CDC73: variants seen among roughly 807,000 people sequenced by gnomAD.
The protein encoded by CDC73 is parafibromin.
CDC73 carries 21 observed loss-of-function variants against 83.7 expected under a neutral mutation model. The observed-to-expected ratio is 0.25, with a 90% confidence interval of 0.18 to 0.36. The LOEUF (loss-of-function observed/expected upper bound fraction) is 0.36, where lower values mean the gene tolerates loss of function less well. Ranked by LOEUF, CDC73 falls within the 10% of genes least tolerant of loss-of-function variation. CDC73 has a pLI of 1.00. For missense variants in CDC73, 342 were observed against 653.3 expected, an observed-to-expected ratio of 0.52 and a Z score of 5.19; for synonymous variants, 224 against 212.9, an observed-to-expected ratio of 1.05 and a Z score of -0.45.
intron 10 of CDC73, among the ~76,000 whole-genome samples, chr1:193,155,652 A>G: frequency 6.6e-6 from 1 of 152,160 alleles, no homozygotes. Flanking sequence ...TGACGTGTGC[A>G]TGTAATCCCA....
chr1:193,211,382 A>T (rs1329668347), intron 11 of CDC73, among the ~76,000 whole-genome samples: 1 of 152,176 alleles, frequency 6.6e-6, no homozygotes, highest in Non-Finnish European at 1.5e-5. Context: ...CAGTATTTTT[A>T]TCGTAGATGT....
At position 193,252,750 on chromosome 1, in the gene CDC73, TAAA is replaced by T; in HGVS notation, c.*2042_*2044del. On this transcript the variant is annotated 3_prime_UTR_variant, in exon 17 of 17. Coordinates refer to ENST00000367435, the MANE Select transcript of CDC73 (RefSeq NM_024529.5). ...TCCATTATTTTTTAGCTGTTTATTC[TAAA>T]AAACAAAAATTTTCAGCCACTCCCA... The T allele has an allele frequency of 4.3e-6, 1 of 231,788 alleles. No homozygotes were observed. Among genetic ancestry groups the T allele is most frequent in the African/African-American group, 2.2e-5 (1 of 45,398 alleles). 14.4% of individuals were successfully genotyped at this position (231,788 alleles called of 1,614,324 possible).
rs149978734 is a variant in CDC73, at chr1:193,177,299, G to A, written c.972+24855G>A. The stretch of plus-strand genomic sequence containing the variant: ...AGCACTTTGGGAGGCCGAATCACGA[G>A]GTCAGGAGATCGAGACCGTCCTGGC... On this transcript the variant is annotated intron_variant, in intron 10 of 16. Coordinates refer to ENST00000367435, the MANE Select transcript of CDC73 (RefSeq NM_024529.5). Among the ~76,000 whole-genome samples, 62 of 145,046 alleles carry A rather than the reference G, an allele frequency of 4.3e-4. No homozygotes were observed. The East Asian group carries it at 0.012, about 29-fold the overall frequency.
chr1:193,168,553 T>C (rs1316847807), intron 10 of CDC73, among the ~76,000 whole-genome samples: 2 of 149,238 alleles, frequency 1.3e-5, no homozygotes, highest in Non-Finnish European at 3.0e-5. Flanking sequence ...TGAGACAGAG[T>C]CTCTCTCTGT....
rs753349105 is a variant in CDC73, at chr1:193,130,185, T to C, written c.249T>C (p.Ile83=). The change falls in exon 3 of 17, where the codon ATT becomes ATC. Residue 83 remains isoleucine (I), a synonymous_variant. Transcript: ENST00000367435. The part of the protein sequence containing the change: ...VYVRRAATEN[I]PVVRRPDRKD... ...AATTTTGGTTTTAGACTGAAAATAT[T>C]CCTGTGGTTAGAAGACCTGATCGAA... The C allele has an allele frequency of 1.9e-6, 3 of 1,587,674 alleles. No homozygotes were observed. Among genetic ancestry groups the C allele is most frequent in the South Asian group, 2.2e-5 (2 of 90,528 alleles).
At chr1:193,246,260 T>C (rs1208398424) in intron 15 of CDC73, among the ~76,000 whole-genome samples, 3 of 152,084 alleles carry the variant, frequency 2.0e-5, no homozygotes, top group South Asian at 2.1e-4. Flanking sequence ...TGGGGTCTTA[T>C]ATTTAGGTCT....
chr1:193,217,011 C>T (rs542079820), intron 13 of CDC73, among the ~76,000 whole-genome samples: 1 of 151,390 alleles, frequency 6.6e-6, no homozygotes, highest in Admixed American at 6.6e-5. Flanking sequence ...TGGAAGCATT[C>T]CCCCTGAGAA....
At chr1:193,244,101 A>G (rs919227713) in intron 15 of CDC73, among the ~76,000 whole-genome samples, 1 of 152,250 alleles carries the variant, frequency 6.6e-6, no homozygotes, top group Non-Finnish European at 1.5e-5. Context: ...TGCACATGCA[A>G]AACAAAAGCT....
At chr1:193,162,412 G>A (rs893626168) in intron 10 of CDC73, among the ~76,000 whole-genome samples, 2 of 144,482 alleles carry the variant, frequency 1.4e-5, no homozygotes, top group Non-Finnish European at 3.0e-5. Context: ...TCACTCTGTC[G>A]CTCAGGCTGG....
intron 12 of CDC73, 133 bp downstream of exon 12, chr1:193,212,233 C>A: frequency 1.2e-6 from 1 of 843,898 alleles, no homozygotes; most frequent in Non-Finnish European, 1.9e-6. Flanking sequence ...AGTGCCCAAG[C>A]CACACTGATT....
chr1:193,228,368 G>A (rs1488990135), intron 13 of CDC73, among the ~76,000 whole-genome samples: 1 of 152,102 alleles, frequency 6.6e-6, no homozygotes, highest in Non-Finnish European at 1.5e-5. Context: ...AAGATACGGT[G>A]CAATTTAGCA....
At chr1:193,211,105 T>C (rs1322157827) in intron 11 of CDC73, among the ~76,000 whole-genome samples, 1 of 152,176 alleles carries the variant, frequency 6.6e-6, no homozygotes, top group East Asian at 1.9e-4. Flanking sequence ...AGATACTCAG[T>C]GCCTGGCATT....
chr1:193,182,077 A>C (rs1676726650), intron 10 of CDC73, among the ~76,000 whole-genome samples: 2 of 152,190 alleles, frequency 1.3e-5, no homozygotes, highest in African/African-American at 4.8e-5. Flanking sequence ...TTGATTTGAC[A>C]TACTATTGGT....
At chr1:193,244,932 T>A (rs1677927461) in intron 15 of CDC73, among the ~76,000 whole-genome samples, 1 of 152,214 alleles carries the variant, frequency 6.6e-6, no homozygotes, top group South Asian at 2.1e-4. Flanking sequence ...TCACTATGTG[T>A]CTTTAGTGCC....
At chr1:193,138,289 C>A in intron 6 of CDC73, 116 bp downstream of exon 6, 3 of 762,850 alleles carry the variant, frequency 3.9e-6, no homozygotes, top group Non-Finnish European at 4.7e-6. Context: ...CATTTTATGC[C>A]TCTTTGCTCT....
chr1:193,170,537 AT>A (rs1444386271), intron 10 of CDC73, among the ~76,000 whole-genome samples: 2 of 152,010 alleles, frequency 1.3e-5, no homozygotes, highest in East Asian at 3.9e-4. Context: ...ATGATTAGTG[AT>A]GTTGAGCTTG....
intron 11 of CDC73, among the ~76,000 whole-genome samples, chr1:193,209,921 C>T (rs1389293481): frequency 2.0e-5 from 3 of 151,792 alleles, no homozygotes; most frequent in Non-Finnish European, 4.4e-5. Flanking sequence ...TTTGTAGTTC[C>T]CTTTAGTCAT....
At chr1:193,142,655 G>A (rs952386380) in intron 7 of CDC73, among the ~76,000 whole-genome samples, 2 of 146,526 alleles carry the variant, frequency 1.4e-5, no homozygotes, top group Non-Finnish European at 3.0e-5. Flanking sequence ...TTCTCCTCCC[G>A]TTTCCCTCTC....
intron 7 of CDC73, among the ~76,000 whole-genome samples, chr1:193,147,027 C>G (rs1219071669): frequency 6.6e-6 from 1 of 151,590 alleles, no homozygotes; most frequent in Admixed American, 6.6e-5. Flanking sequence ...GATTCTTGCT[C>G]TGTCTCCCAG....
Sources: allele counts gnomAD v4.1 joint callset (sites outside exome capture counted in the v4.1 genomes callset), GRCh38; gene constraint gnomAD v4.1.1; transcripts MANE v1.5; gene names NCBI Gene and HGNC (gene_info 2026-07-23, HGNC 2026-07-21).